The following SLC24A2 variants were observed in gnomAD, a reference collection of about 807,000 sequenced individuals.
SLC24A2 encodes the protein sodium/potassium/calcium exchanger 2.
Under a neutral mutation model 62.0 loss-of-function variants are expected in SLC24A2, and 36 were observed. That is an observed-to-expected ratio of 0.58 (90% confidence interval 0.44 to 0.77). SLC24A2 has a LOEUF of 0.77. Ranked by LOEUF, SLC24A2 falls within the 30% of genes least tolerant of loss-of-function variation. SLC24A2 has a pLI of 0.00. For missense variants in SLC24A2, 846 were observed against 817.9 expected (o/e 1.03, Z -0.42); for synonymous variants, 358 against 294.0 (o/e 1.22, Z -2.23).
At chr9:20,271,358 T>C in the SLC24A2 span, among the ~76,000 whole-genome samples, 1 of 152,242 alleles carries the variant, frequency 6.6e-6, no homozygotes, top group African/African-American at 2.4e-5. Flanking sequence ...GAATATGCTC[T>C]CCTGCAGTTT....
chr9:20,295,089 G>A, the SLC24A2 span, among the ~76,000 whole-genome samples: 32 of 151,098 alleles, frequency 2.1e-4, no homozygotes, highest in Admixed American at 2.6e-4. Flanking sequence ...CACATACACA[G>A]TGTGTATTGC....
chr9:19,811,877 G>A, the SLC24A2 span, among the ~76,000 whole-genome samples: 1 of 151,650 alleles, frequency 6.6e-6, no homozygotes, highest in Admixed American at 6.6e-5. Context: ...TTTCTTTACT[G>A]CCTGCATTTC....
At chr9:19,738,331 A>C (rs766825252) in intron 2 of SLC24A2, among the ~76,000 whole-genome samples, 2 of 152,138 alleles carry the variant, frequency 1.3e-5, no homozygotes, top group African/African-American at 2.4e-5. Flanking sequence ...AGATATGGAG[A>C]AATGTTTTTC....
intron 8 of SLC24A2, among the ~76,000 whole-genome samples, chr9:19,530,596 T>A (rs972841193): frequency 6.6e-6 from 1 of 152,188 alleles, no homozygotes. Context: ...TACAGAAAAT[T>A]CCTAGCCAAA....
the SLC24A2 span, among the ~76,000 whole-genome samples, chr9:20,013,692 G>A: frequency 6.6e-6 from 1 of 152,066 alleles, no homozygotes; most frequent in Non-Finnish European, 1.5e-5. Context: ...TCTGACAAAA[G>A]GTTAATATCC....
At chr9:19,932,982 T>A in the SLC24A2 span, among the ~76,000 whole-genome samples, 1 of 152,260 alleles carries the variant, frequency 6.6e-6, no homozygotes, top group Admixed American at 6.5e-5. Context: ...TTGGACTCCT[T>A]GGAATTTTTC....
At chr9:19,564,346 G>A (rs1330896739) in intron 7 of SLC24A2, among the ~76,000 whole-genome samples, 1 of 152,124 alleles carries the variant, frequency 6.6e-6, no homozygotes, top group Admixed American at 6.5e-5. Flanking sequence ...CTTTATAAAA[G>A]CAGATCTTAA....
intron 2 of SLC24A2, among the ~76,000 whole-genome samples, chr9:19,648,590 G>C (rs1024478085): frequency 1.3e-5 from 2 of 152,178 alleles, no homozygotes; most frequent in Admixed American, 1.3e-4. Flanking sequence ...CCTGTAGAAA[G>C]AAAGCCCAGA....
the SLC24A2 span, among the ~76,000 whole-genome samples, chr9:19,922,604 T>A: frequency 6.6e-6 from 1 of 152,212 alleles, no homozygotes; most frequent in South Asian, 2.1e-4. Flanking sequence ...CTGAAAGCAG[T>A]AACCTCTGCC....
At chr9:19,903,242 T>C in the SLC24A2 span, among the ~76,000 whole-genome samples, 1 of 152,154 alleles carries the variant, frequency 6.6e-6, no homozygotes, top group South Asian at 2.1e-4. Flanking sequence ...GATGCCAGCC[T>C]GGTTGGGTTG....
intron 2 of SLC24A2, among the ~76,000 whole-genome samples, chr9:19,767,270 C>A (rs1031706783): frequency 6.6e-6 from 1 of 152,268 alleles, no homozygotes. Flanking sequence ...CACTTGGCTC[C>A]CTGGCTTCAG....
chr9:20,154,944 T>A, the SLC24A2 span, among the ~76,000 whole-genome samples: 1 of 151,354 alleles, frequency 6.6e-6, no homozygotes, highest in Non-Finnish European at 1.5e-5. Context: ...GTAAGGAAAT[T>A]CTCCTCAAGC....
the SLC24A2 span, among the ~76,000 whole-genome samples, chr9:19,911,406 G>A: frequency 2.6e-5 from 4 of 152,160 alleles, no homozygotes; most frequent in Admixed American, 1.3e-4. Context: ...ATAGCAGCAT[G>A]ATTTATAGTC....
chr9:19,673,254 T>G (rs1374003352), intron 2 of SLC24A2, among the ~76,000 whole-genome samples: 4 of 146,652 alleles, frequency 2.7e-5, no homozygotes, highest in Admixed American at 6.7e-5. Flanking sequence ...ATTGTGATAT[T>G]TTCCTGTTGG....
the SLC24A2 span, among the ~76,000 whole-genome samples, chr9:20,304,472 A>G: frequency 7.2e-5 from 11 of 152,236 alleles, no homozygotes; most frequent in Non-Finnish European, 4.4e-5. Context: ...TCTGTTTAAA[A>G]AAAGACTTTT....
rs960842469 is a variant in SLC24A2 at position 19,513,819 on chromosome 9, G to A, written c.*2334C>T. 6.6e-6 allele frequency: 1 copy of A among 152,172 alleles called. No homozygotes were observed. Among genetic ancestry groups the A allele is most frequent in the Non-Finnish European group, 1.5e-5 (1 of 68,028 alleles). The allele number at this position is 152,172 out of a possible 1,614,324, so 9.4% of individuals were successfully genotyped here. ...TTGGTTGCCCTTCAAGAAATACACA[G>A]GGAAAACAACTGGAGTTTTTAAACG... On this transcript the variant is annotated 3_prime_UTR_variant, in exon 11 of 11. Transcript: ENST00000341998.
At position 19,786,955 on chromosome 9, in the gene SLC24A2, A is replaced by G. The variant is rs372911290; in HGVS notation, c.-89T>C. 1.4e-3 allele frequency: 2,127 copies of G among 1,544,432 alleles called. 42 individuals carry two copies. In the South Asian group the frequency reaches 0.023, roughly 17 times the overall value. ...ACTTTTCCTTACTTTATAGTTAACG[A>G]TGCTTGTGGGGTACTTTCACAATCA... On this transcript the variant is annotated 5_prime_UTR_variant, in exon 2 of 11. Transcript: ENST00000341998. The surrounding 1 kb of genome is among the most constrained non-coding windows in gnomAD (Gnocchi z 5.0).
In SLC24A2 at chr9:19,786,732, A is replaced by G; in HGVS notation, c.135T>C (p.Gly45=). 3 of 1,605,944 alleles carry G rather than the reference A, an allele frequency of 1.9e-6. No individual in the cohort carries two copies. Among genetic ancestry groups the G allele is most frequent in the Non-Finnish European group, 2.6e-6 (3 of 1,175,420 alleles). Residue 45 remains glycine (G), a synonymous_variant, in exon 2 of 11, where the codon GGT becomes GGC. Coordinates refer to ENST00000341998, the MANE Select transcript of SLC24A2 (RefSeq NM_020344.4). This position sits in a 1 kb window ranked among gnomAD's most constrained non-coding sequence, Gnocchi z 5.0. ...ATGAGACAGTGCTAATGGCTACCAG[A>G]CCCATGAAAAGGCCTAAGACTCGAA... The part of the protein sequence containing the change: ...KLIRVLGLFM[G]LVAISTVSFS...
intron 5 of SLC24A2, among the ~76,000 whole-genome samples, chr9:19,596,745 G>A (rs147079785): frequency 1.3e-5 from 2 of 152,310 alleles, no homozygotes; most frequent in East Asian, 1.9e-4. Context: ...GACAGGCCAT[G>A]AGCCTACAGT....
Sources: allele counts gnomAD v4.1 joint callset (sites outside exome capture counted in the v4.1 genomes callset), GRCh38; gene constraint gnomAD v4.1.1; non-coding constraint Gnocchi (gnomAD v3.1); transcripts MANE v1.5; gene names NCBI Gene and HGNC (gene_info 2026-07-23, HGNC 2026-07-21).